Variants in MINDY2 observed in about 807,000 individuals in gnomAD.
MINDY2 encodes MINDY lysine 48 deubiquitinase 2.
MINDY2 carries 52 observed loss-of-function variants against 68.2 expected under a neutral mutation model. The ratio of observed to expected loss-of-function variants is 0.76; its 90% CI spans 0.61 to 0.96. The LOEUF is 0.96. Ranked by LOEUF, MINDY2 falls within the 40% of genes least tolerant of loss-of-function variation. MINDY2 has a pLI of 0.00. For synonymous variants in MINDY2, 372 were observed against 303.0 expected (o/e 1.23, Z -2.36); for missense variants, 881 against 773.4 (o/e 1.14, Z -1.65).
rs1166178244 is a variant in MINDY2 at position 58,778,815 on chromosome 15, T to TC, written c.840+6580_840+6581insC. On this transcript the variant is annotated intron_variant, in intron 1 of 8. Coordinates refer to ENST00000559228, the MANE Select transcript of MINDY2 (RefSeq NM_001040450.3). ...CTAATTTTTTTTCTTTTTTTCTTTT[T>TC]TTTTTTTTTTTTTTTGAGACGGAAT... Among the ~76,000 whole-genome samples the TC allele has an allele frequency of 2.0e-3, 294 of 144,450 alleles. 2 individuals are homozygous for TC. Among genetic ancestry groups the TC allele is most frequent in the African/African-American group, 7.0e-3 (276 of 39,382 alleles). 94.8% of individuals were successfully genotyped at this position (144,450 alleles called of 152,430 possible).
intron 1 of MINDY2, 25 bp downstream of exon 1, chr15:58,772,260 C>A (rs375486168): frequency 3.1e-5 from 50 of 1,604,676 alleles, no homozygotes; most frequent in Non-Finnish European, 2.5e-6. Flanking sequence ...TTTCTACTTC[C>A]TACAGCTTTT....
At chr15:58,801,844 C>G (rs1484567768) in intron 2 of MINDY2, among the ~76,000 whole-genome samples, 3 of 152,120 alleles carry the variant, frequency 2.0e-5, no homozygotes, top group African/African-American at 7.2e-5. Context: ...GGCTGAACTC[C>G]TGACCTCAGA....
intron 1 of MINDY2, among the ~76,000 whole-genome samples, chr15:58,777,854 C>A (rs1900872927): frequency 6.6e-6 from 1 of 152,004 alleles, no homozygotes; most frequent in Non-Finnish European, 1.5e-5. Flanking sequence ...AACTCCTGGG[C>A]TCAAATTACA....
chr15:58,810,255 T>G lies in MINDY2; in HGVS notation c.989T>G (p.Leu330Trp). Residue 330 changes from leucine (L) to tryptophan (W), a missense_variant, in exon 4 of 9, where the codon TTG (leucine) becomes TGG (tryptophan). By Grantham distance (61) the Leu-to-Trp change is moderately conservative. Transcript: ENST00000559228. Reference protein sequence around the residue: ...EQNMSDAMAILHKLQTGLDVN... With the variant: ...EQNMSDAMAIWHKLQTGLDVN... ...AATATGAGTGATGCCATGGCAATTT[T>G]GCACAAACTACAGACAGGCCTGGAT... 6.2e-7 allele frequency: 1 copy of G among 1,610,672 alleles called. No individual in the cohort carries two copies. Among genetic ancestry groups the G allele is most frequent in the Non-Finnish European group, 8.5e-7 (1 of 1,179,216 alleles).
At chr15:58,829,718 T>C (rs561630745) in intron 5 of MINDY2, among the ~76,000 whole-genome samples, 4 of 152,310 alleles carry the variant, frequency 2.6e-5, no homozygotes, top group African/African-American at 9.6e-5. Context: ...CCCAAGAAGT[T>C]GCAAGTATTC....
chr15:58,820,531 TTACTC>T (rs2030992548), intron 4 of MINDY2, among the ~76,000 whole-genome samples: 1 of 152,218 alleles, frequency 6.6e-6, no homozygotes, highest in African/African-American at 2.4e-5. Context: ...AACTGATTGT[TTACTC>T]AACCAATCAT....
chr15:58,851,646 G>T, intron 7 of MINDY2, 125 bp from the exon 8 acceptor site: 3 of 741,368 alleles, frequency 4.0e-6, no homozygotes, highest in Non-Finnish European at 6.2e-6. Context: ...TTGCTATATT[G>T]CCCAGGCCTG....
chr15:58,791,660 GTA>G (rs1555428846), intron 2 of MINDY2, among the ~76,000 whole-genome samples: 75 of 141,412 alleles, frequency 5.3e-4, no homozygotes, highest in African/African-American at 2.1e-3. Flanking sequence ...GTGTGTGTGT[GTA>G]TGTGTGTGTG....
chr15:58,820,215 A>G (rs2030972634), intron 4 of MINDY2, among the ~76,000 whole-genome samples: 1 of 151,840 alleles, frequency 6.6e-6, no homozygotes, highest in African/African-American at 2.4e-5. Context: ...GCAGTGAGCC[A>G]AGACTGTGTC....
intron 8 of MINDY2, 47 bp from the exon 9 acceptor site, chr15:58,854,435 C>A (rs576559432): frequency 1.3e-6 from 2 of 1,572,424 alleles, no homozygotes; most frequent in Non-Finnish European, 1.7e-6. Flanking sequence ...ATGAGTAAGT[C>A]CCTCAGAATA....
intron 3 of MINDY2, 89 bp from the exon 4 acceptor site, chr15:58,810,141 A>G: frequency 8.4e-7 from 1 of 1,191,122 alleles, no homozygotes; most frequent in Non-Finnish European, 1.2e-6. Context: ...AAAATGGAAA[A>G]TTAAAAGTAA....
intron 8 of MINDY2, 110 bp downstream of exon 8, chr15:58,852,075 C>T: frequency 1.3e-6 from 1 of 797,784 alleles, no homozygotes; most frequent in Admixed American, 2.9e-5. Flanking sequence ...TTGCTTGAGC[C>T]CAGGAGTTCG....
chr15:58,837,734 G>C (rs145068471), intron 6 of MINDY2, among the ~76,000 whole-genome samples: 265 of 152,066 alleles, frequency 1.7e-3, no homozygotes, highest in Non-Finnish European at 2.9e-3. Flanking sequence ...GAGAGGCAGA[G>C]GTGGGAAGAT....
At chr15:58,808,178 A>C (rs1217259125) in intron 3 of MINDY2, among the ~76,000 whole-genome samples, 24 of 152,260 alleles carry the variant, frequency 1.6e-4, no homozygotes, top group African/African-American at 5.5e-4. Context: ...AACATCCCGC[A>C]TCAGAGTGGT....
intron 3 of MINDY2, among the ~76,000 whole-genome samples, chr15:58,803,057 C>CT (rs1902770236): frequency 6.6e-6 from 1 of 152,194 alleles, no homozygotes; most frequent in South Asian, 2.1e-4. Context: ...TCAAAGCAAC[C>CT]TTTTTTAACA....
At chr15:58,824,615 C>T (rs2031270747) in intron 5 of MINDY2, among the ~76,000 whole-genome samples, 1 of 151,800 alleles carries the variant, frequency 6.6e-6, no homozygotes, top group South Asian at 2.1e-4. Context: ...AAATAAAAGA[C>T]CGTAATAGAC....
intron 3 of MINDY2, among the ~76,000 whole-genome samples, chr15:58,807,766 T>C (rs2029910289): frequency 6.6e-6 from 1 of 152,202 alleles, no homozygotes; most frequent in African/African-American, 2.4e-5. Context: ...TGATCCAGCC[T>C]CTGCCTGTCT....
In MINDY2 at chr15:58,860,599, CAAG is replaced by C. The variant is rs1452303897; in HGVS notation, c.*5992_*5994del. On this transcript the variant is annotated 3_prime_UTR_variant, in exon 9 of 9. Coordinates refer to ENST00000559228, the MANE Select transcript of MINDY2 (RefSeq NM_001040450.3). ...CTCAAAAAAAAAAAAAAAAAAAAGT[CAAG>C]AAACTGAAATTCCCATTTAAGTTCT... is the stretch of plus-strand genomic sequence containing the variant. The C allele has an allele frequency of 7.0e-6, 1 of 143,788 alleles. No individual in the cohort carries two copies. The highest frequency in any genetic ancestry group is 1.5e-5 in the Non-Finnish European group (1 of 66,268). 8.9% of individuals were successfully genotyped at this position (143,788 alleles called of 1,614,324 possible).
intron 1 of MINDY2, among the ~76,000 whole-genome samples, chr15:58,777,548 A>C (rs1311545867): frequency 1.3e-5 from 2 of 152,146 alleles, no homozygotes; most frequent in Non-Finnish European, 2.9e-5. Flanking sequence ...CCGAGGCCAG[A>C]GGATCAGTTG....
Sources: gnomAD v4.1 joint callset for allele counts (sites outside exome capture counted in the v4.1 genomes callset) on GRCh38, gnomAD v4.1.1 for gene constraint, MANE v1.5 for transcripts, NCBI Gene and HGNC (gene_info 2026-07-23, HGNC 2026-07-21) for gene names.